Variants in AGBL1 observed in about 807,000 individuals in gnomAD.
AGBL1 encodes the protein cytosolic carboxypeptidase 4.
In AGBL1, 130 loss-of-function variants were observed where a neutral mutation model predicts 118.9. The observed-to-expected ratio is 1.09, with a 90% CI of 0.95 to 1.26. The LOEUF is 1.26. Among genes scored for constraint, AGBL1 ranks in the 50% most tolerant of loss-of-function variants. The pLI is 0.00. For synonymous variants in AGBL1, 555 were observed against 478.9 expected (o/e 1.16, Z -2.08); for missense variants, 1,584 against 1,298.1 (o/e 1.22, Z -3.38).
intron 22 of AGBL1, among the ~76,000 whole-genome samples, chr15:86,759,151 C>T (rs1293502364): frequency 6.6e-6 from 1 of 151,940 alleles, no homozygotes; most frequent in Non-Finnish European, 1.5e-5. Context: ...CAAAATCTTG[C>T]AGGATTCATG....
intron 22 of AGBL1, among the ~76,000 whole-genome samples, chr15:86,869,939 A>T (rs571144725): frequency 8.6e-4 from 131 of 152,298 alleles, no homozygotes; most frequent in South Asian, 3.3e-3. Flanking sequence ...ACCTGGACTT[A>T]TGTCCAGCAG....
At chr15:86,699,541 T>A (rs1018331676) in intron 22 of AGBL1, among the ~76,000 whole-genome samples, 1 of 148,018 alleles carries the variant, frequency 6.8e-6, no homozygotes, top group Non-Finnish European at 1.5e-5. Context: ...TGATCTTTCT[T>A]GGCCTTTCAT....
chr15:86,482,007 A>T (rs189392446), intron 18 of AGBL1, among the ~76,000 whole-genome samples: 2 of 152,268 alleles, frequency 1.3e-5, no homozygotes, highest in Non-Finnish European at 2.9e-5. Context: ...GCTGCCAGAG[A>T]TAAGTCCAGT....
chr15:86,654,976 G>T (rs1212005940), intron 21 of AGBL1, among the ~76,000 whole-genome samples: 1 of 152,084 alleles, frequency 6.6e-6, no homozygotes, highest in African/African-American at 2.4e-5. Flanking sequence ...TTTCAGAGCA[G>T]CCTTGCAGAA....
intron 22 of AGBL1, among the ~76,000 whole-genome samples, chr15:86,869,016 G>C (rs997748266): frequency 6.6e-6 from 1 of 152,284 alleles, no homozygotes; most frequent in East Asian, 1.9e-4. Context: ...ACCAAGCAAA[G>C]GCATCATTTT....
At chr15:86,585,200 C>G (rs1414904624) in intron 21 of AGBL1, among the ~76,000 whole-genome samples, 1 of 152,034 alleles carries the variant, frequency 6.6e-6, no homozygotes, top group Non-Finnish European at 1.5e-5. Flanking sequence ...ATTGCTCTGG[C>G]TAGTACTTCC....
At chr15:86,964,128 T>C (rs2081024771) in intron 23 of AGBL1, among the ~76,000 whole-genome samples, 1 of 151,780 alleles carries the variant, frequency 6.6e-6, no homozygotes, top group Non-Finnish European at 1.5e-5. Context: ...AAGTTATACC[T>C]AGAGAGGTTA....
intron 14 of AGBL1, 148 bp from the exon 15 acceptor site, chr15:86,271,471 C>T (rs919807743): frequency 1.5e-6 from 1 of 663,688 alleles, no homozygotes; most frequent in Non-Finnish European, 2.7e-6. Flanking sequence ...AGATCCTTAA[C>T]TTAATCATAT....
chr15:86,997,427 A>G (rs1324609033), intron 24 of AGBL1, among the ~76,000 whole-genome samples: 2 of 152,192 alleles, frequency 1.3e-5, no homozygotes, highest in Non-Finnish European at 2.9e-5. Context: ...GACTGCTTCA[A>G]CATTTGTTTA....
At chr15:86,257,070 CA>C in intron 8 of AGBL1, 52 bp downstream of exon 8, 5 of 1,548,624 alleles carry the variant, frequency 3.2e-6, no homozygotes, top group Non-Finnish European at 4.4e-6. Flanking sequence ...GCATTTTGAC[CA>C]TGTTTCCCAG....
At chr15:86,801,353 C>G (rs897575481) in intron 22 of AGBL1, among the ~76,000 whole-genome samples, 1 of 149,538 alleles carries the variant, frequency 6.7e-6, no homozygotes, top group Non-Finnish European at 1.5e-5. Flanking sequence ...ATCTATCTAT[C>G]TATATTAAAG....
At chr15:86,679,950 T>G (rs1350698037) in intron 22 of AGBL1, among the ~76,000 whole-genome samples, 4 of 152,154 alleles carry the variant, frequency 2.6e-5, no homozygotes, top group Admixed American at 2.6e-4. Context: ...TTGAGGAGTT[T>G]TGTGCCTATA....
chr15:86,085,154 C>T (rs567982325), intron 1 of AGBL1, among the ~76,000 whole-genome samples: 1 of 152,198 alleles, frequency 6.6e-6, no homozygotes, highest in East Asian at 1.9e-4. Flanking sequence ...TAAAGGTAAA[C>T]ATCAAAAGAA....
intron 21 of AGBL1, among the ~76,000 whole-genome samples, chr15:86,583,132 T>G (rs2084196831): frequency 6.6e-6 from 1 of 152,024 alleles, no homozygotes; most frequent in South Asian, 2.1e-4. Flanking sequence ...AAAGTATTTT[T>G]AGAGATGAGA....
intron 21 of AGBL1, among the ~76,000 whole-genome samples, chr15:86,670,579 G>C (rs60938843): frequency 0.071 from 10,105 of 142,316 alleles, 462 homozygotes; most frequent in South Asian, 0.091. Context: ...ACTCCAGCCT[G>C]GGTGACAAGA....
At chr15:86,134,878 G>T (rs757647905) in intron 1 of AGBL1, among the ~76,000 whole-genome samples, 2 of 151,712 alleles carry the variant, frequency 1.3e-5, no homozygotes, top group East Asian at 1.9e-4. Flanking sequence ...CTCCCAAAGT[G>T]CTGGGATTAC....
In AGBL1 at chr15:86,266,984, T is replaced by A. The variant is rs2079084839; in HGVS notation, c.1752-6T>A. 1 of 1,562,000 alleles carries A rather than the reference T, an allele frequency of 6.4e-7. No homozygotes were observed. On this transcript the variant is annotated splice_region_variant and splice_polypyrimidine_tract_variant and intron_variant, in intron 12 of 22. Transcript: ENST00000614907. The stretch of plus-strand genomic sequence containing the variant: ...ATATGTTCACATGTTCCTTATTTCA[T>A]TGTAGGCCTTTGCAAGACAATGCTT...
intron 22 of AGBL1, among the ~76,000 whole-genome samples, chr15:86,825,892 GATAGATA>G (rs2079005168): frequency 3.2e-4 from 2 of 6,230 alleles, no homozygotes; most frequent in Non-Finnish European, 5.1e-4. Flanking sequence ...TGGATGGATA[GATAGATA>G]GATAGATAGA....
rs552802247 is a variant in AGBL1 at position 86,258,026 on chromosome 15, G to A, written c.964G>A (p.Val322Met). 1 of 1,613,608 alleles carries A rather than the reference G, an allele frequency of 6.2e-7. No individual in the cohort carries two copies. Among genetic ancestry groups the A allele is most frequent in the Admixed American group, 1.7e-5 (1 of 59,932 alleles). The change falls in exon 9 of 23, where the codon GTG becomes ATG. Residue 322 changes from valine (V) to methionine (M), a missense_variant. Physicochemically the swap from Val to Met is conservative, Grantham distance 21. Transcript: ENST00000614907. ...AGACTCTGATACTGAAGATGGGAAA[G>A]TGGAAGTAGGTACACCAGCCCATGC... is the stretch of plus-strand genomic sequence containing the variant. Reference protein sequence around the residue: ...DKDSDTEDGKVEDDDLETDVN... With the variant: ...DKDSDTEDGKMEDDDLETDVN...
Sources: gnomAD v4.1 joint callset for allele counts (sites outside exome capture counted in the v4.1 genomes callset) on GRCh38, gnomAD v4.1.1 for gene constraint, MANE v1.5 for transcripts, NCBI Gene and HGNC (gene_info 2026-07-23, HGNC 2026-07-21) for gene names.